RAB27A: variants seen among roughly 807,000 people sequenced by gnomAD.
RAB27A encodes ras-related protein Rab-27A.
RAB27A carries 17 observed loss-of-function variants against 20.8 expected under a neutral mutation model. The ratio of observed to expected loss-of-function variants is 0.82; its 90% CI spans 0.56 to 1.23. RAB27A has a LOEUF of 1.23. Among genes scored for constraint, RAB27A ranks in the 50% most tolerant of loss-of-function variants. The probability of loss-of-function intolerance (pLI) is 0.00; values close to 1 mark genes in which losing one functional copy is unlikely to be tolerated. For missense variants in RAB27A, 277 were observed against 266.7 expected, an observed-to-expected ratio of 1.04 and a Z score of -0.27; for synonymous variants, 85 against 92.8, an observed-to-expected ratio of 0.92 and a Z score of 0.48.
At chr15:55,297,086 A>G (rs566415314) in intron 2 of RAB27A, among the ~76,000 whole-genome samples, 1 of 152,356 alleles carries the variant, frequency 6.6e-6, no homozygotes, top group African/African-American at 2.4e-5. Context: ...GGAAGCCTTT[A>G]TCGGTACAAC....
intron 1 of RAB27A, among the ~76,000 whole-genome samples, chr15:55,276,451 C>T (rs1595742522): frequency 6.6e-6 from 1 of 152,130 alleles, no homozygotes; most frequent in South Asian, 2.1e-4. Context: ...ACTCCTGTAG[C>T]CCCAGCTACT....
At chr15:55,254,216 C>T (rs1301767918) in intron 2 of RAB27A, among the ~76,000 whole-genome samples, 3 of 152,076 alleles carry the variant, frequency 2.0e-5, no homozygotes, top group Non-Finnish European at 4.4e-5. Flanking sequence ...AAATACCTTC[C>T]TATTTTTTAA....
intron 1 of RAB27A, among the ~76,000 whole-genome samples, chr15:55,286,715 T>C (rs1898163753): frequency 6.6e-6 from 1 of 151,832 alleles, no homozygotes; most frequent in African/African-American, 2.4e-5. Flanking sequence ...ACTTCTGAGA[T>C]AAAAAGCCAC....
chr15:55,250,834 G>A (rs1896861892), intron 2 of RAB27A, among the ~76,000 whole-genome samples: 2 of 152,154 alleles, frequency 1.3e-5, no homozygotes, highest in Non-Finnish European at 2.9e-5. Flanking sequence ...TCAGAAAACT[G>A]CTCTGGCCCA....
rs1894572031 is a variant in RAB27A at position 55,204,976 on chromosome 15, T to G, written c.*531A>C. On this transcript the variant is annotated 3_prime_UTR_variant, in exon 7 of 7. Coordinates refer to ENST00000336787, the MANE Select transcript of RAB27A (RefSeq NM_183235.3). ...CTATATTCATGTTAAATAGAATGCTTACATAAAATTAATACTCAAAGACAT... is the reference window on the plus strand; with the variant it reads ...CTATATTCATGTTAAATAGAATGCTGACATAAAATTAATACTCAAAGACAT... 5.8e-6 allele frequency: 1 copy of G among 173,038 alleles called. No homozygotes were observed. Among genetic ancestry groups the G allele is most frequent in the Admixed American group, 5.6e-5 (1 of 17,898 alleles). The allele number at this position is 173,038 out of a possible 1,614,324, so 10.7% of individuals were successfully genotyped here. A position where few individuals can be genotyped will look rare whatever the true frequency, so the allele number is the denominator to read the frequency against.
chr15:55,285,292 C>T (rs1595748279), intron 1 of RAB27A, among the ~76,000 whole-genome samples: 8 of 130,312 alleles, frequency 6.1e-5, no homozygotes, highest in Admixed American at 5.8e-4. Context: ...GCAACATATA[C>T]AGACGAAAAA....
intron 1 of RAB27A, among the ~76,000 whole-genome samples, chr15:55,315,702 A>G (rs1163314448): frequency 6.6e-6 from 1 of 152,222 alleles, no homozygotes; most frequent in African/African-American, 2.4e-5. Context: ...AACCACAATG[A>G]GATACCATCT....
chr15:55,271,810 G>A (rs1897716838), intron 1 of RAB27A, among the ~76,000 whole-genome samples: 2 of 152,222 alleles, frequency 1.3e-5, no homozygotes, highest in South Asian at 4.1e-4. Context: ...GCAGCTCAAC[G>A]TGTGACTGAA....
At chr15:55,235,055 T>A in intron 2 of RAB27A, 99 bp from the exon 3 acceptor site, 1 of 950,910 alleles carries the variant, frequency 1.1e-6, no homozygotes, top group Non-Finnish European at 1.6e-6. Flanking sequence ...CACCTAATGT[T>A]AACCTGTATG....
At chr15:55,242,996 T>A (rs932376047) in intron 2 of RAB27A, among the ~76,000 whole-genome samples, 1 of 152,200 alleles carries the variant, frequency 6.6e-6, no homozygotes, top group Non-Finnish European at 1.5e-5. Context: ...ATCAAAAGTT[T>A]TCTTCAGTGC....
At chr15:55,310,376 C>T (rs988246189) in intron 2 of RAB27A, among the ~76,000 whole-genome samples, 1 of 152,108 alleles carries the variant, frequency 6.6e-6, no homozygotes, top group Non-Finnish European at 1.5e-5. Context: ...TGGCACTTGC[C>T]CCGGGCACCC....
exon 1 of RAB27A, chr15:55,319,060 A>G (rs971863124): frequency 1.6e-6 from 1 of 643,180 alleles, no homozygotes. Flanking sequence ...GCGAGTAGCA[A>G]TCCCTCGGTT....
intron 6 of RAB27A, among the ~76,000 whole-genome samples, chr15:55,215,635 G>C (rs1019965993): frequency 8.4e-6 from 1 of 118,690 alleles, no homozygotes; most frequent in African/African-American, 3.7e-5. Context: ...CTGGGCGACA[G>C]AGCGAGACTC....
upstream of RAB27A, chr15:55,319,120 C>A: frequency 8.8e-7 from 1 of 1,133,232 alleles, no homozygotes; most frequent in Non-Finnish European, 1.2e-6. Context: ...CGGGTGGGAG[C>A]TACGAAGTTG....
At chr15:55,212,232 G>T (rs1325833460) in intron 6 of RAB27A, among the ~76,000 whole-genome samples, 1 of 152,094 alleles carries the variant, frequency 6.6e-6, no homozygotes, top group African/African-American at 2.4e-5. Flanking sequence ...AAGATGAAAG[G>T]AACTTGCCCA....
chr15:55,221,026 C>T (rs779344885), intron 6 of RAB27A, among the ~76,000 whole-genome samples: 129 of 152,288 alleles, frequency 8.5e-4, no homozygotes, highest in Non-Finnish European at 1.5e-3. Flanking sequence ...CTATGAAATA[C>T]TCCATAACCA....
intron 2 of RAB27A, among the ~76,000 whole-genome samples, chr15:55,260,276 A>C (rs1897227818): frequency 6.6e-6 from 1 of 152,208 alleles, no homozygotes; most frequent in Non-Finnish European, 1.5e-5. Context: ...AATCCAAAAC[A>C]CTGACAACAT....
intron 2 of RAB27A, among the ~76,000 whole-genome samples, chr15:55,310,230 T>C (rs1215428450): frequency 6.6e-6 from 1 of 152,114 alleles, no homozygotes; most frequent in African/African-American, 2.4e-5. Context: ...CCTCAGATAG[T>C]GACAGATCTG....
intron 2 of RAB27A, among the ~76,000 whole-genome samples, chr15:55,313,732 G>A (rs10162990): frequency 0.16 from 24,696 of 152,002 alleles, 2,510 homozygotes; most frequent in Admixed American, 0.27. Flanking sequence ...AAATTACTTC[G>A]GGAAGCCGAG....
Sources: gnomAD v4.1 joint callset for allele counts (sites outside exome capture counted in the v4.1 genomes callset) on GRCh38, gnomAD v4.1.1 for gene constraint, MANE v1.5 for transcripts, NCBI Gene and HGNC (gene_info 2026-07-23, HGNC 2026-07-21) for gene names.